CELF2: variants seen among roughly 807,000 people sequenced by gnomAD.
CELF2 encodes the protein CUGBP Elav-like family member 2.
Under a neutral mutation model 62.6 loss-of-function variants are expected in CELF2, and 8 were observed. The ratio of observed to expected loss-of-function variants is 0.13; its 90% CI spans 0.07 to 0.23. The LOEUF (loss-of-function observed/expected upper bound fraction) is 0.23. Among genes scored for constraint, CELF2 ranks in the 10% least tolerant of loss-of-function variants. The pLI, the probability that CELF2 is intolerant of heterozygous loss-of-function variation, is 1.00. For missense variants in CELF2, 333 were observed against 671.0 expected, an observed-to-expected ratio of 0.50 and a Z score of 5.56; for synonymous variants, 258 against 250.0, an observed-to-expected ratio of 1.03 and a Z score of -0.30.
chr10:11,216,909 C>CTT (rs2063507478), intron 2 of CELF2, among the ~76,000 whole-genome samples: 1 of 152,218 alleles, frequency 6.6e-6, no homozygotes, highest in South Asian at 2.1e-4. Flanking sequence ...ATGTACAGAA[C>CTT]TTTACATCAT....
At chr10:10,633,195 A>T in the CELF2 span, among the ~76,000 whole-genome samples, 9 of 152,242 alleles carry the variant, frequency 5.9e-5, no homozygotes, top group Admixed American at 5.9e-4. Context: ...TCTGTAAGAC[A>T]AATTTATAAA....
chr10:10,919,058 G>A (rs2016328), intron 1 of CELF2, among the ~76,000 whole-genome samples: 71,558 of 151,990 alleles, frequency 0.47, 17,727 homozygotes, highest in South Asian at 0.6. Flanking sequence ...ATCACTTGAG[G>A]TCAGGAGGTC....
rs145563755 is a variant in CELF2, at chr10:11,112,812, A to C, written c.75-52674A>C. ...CTATCTTTGAAACGGAACCATGAGT[A>C]AACGCAGTGCATTTCCACATGCGTA... On this transcript the variant is annotated intron_variant, in intron 1 of 12. Coordinates refer to ENST00000633077, the MANE Select transcript of CELF2 (RefSeq NM_001326342.2). Among the ~76,000 whole-genome samples the C allele has an allele frequency of 2.2e-3, 336 of 152,366 alleles. 2 individuals are homozygous for C. Among genetic ancestry groups the C allele is most frequent in the African/African-American group, 7.4e-3 (308 of 41,588 alleles).
At chr10:10,507,548 A>C in the CELF2 span, among the ~76,000 whole-genome samples, 1 of 152,208 alleles carries the variant, frequency 6.6e-6, no homozygotes, top group Admixed American at 6.5e-5. Context: ...AGGATATAGT[A>C]GGGATTAGCA....
the CELF2 span, among the ~76,000 whole-genome samples, chr10:10,637,957 A>G: frequency 6.6e-6 from 1 of 152,224 alleles, no homozygotes; most frequent in Non-Finnish European, 1.5e-5. Flanking sequence ...AAGAAAAATC[A>G]TAAGGTTATT....
At chr10:10,960,031 T>C (rs2049318007) in intron 2 of CELF2, 1 of 152,180 alleles carries the variant, frequency 6.6e-6, no homozygotes, top group Middle Eastern at 3.2e-3. Flanking sequence ...ACTTTCAAAC[T>C]CTCCAGCCAC....
upstream of CELF2, among the ~76,000 whole-genome samples, chr10:11,003,844 TA>T (rs371862382): frequency 2.6e-3 from 387 of 149,954 alleles, 5 homozygotes; most frequent in African/African-American, 7.8e-3. The surrounding 1 kb of genome is among the most constrained non-coding windows in gnomAD (Gnocchi z 4.4). Context: ...CAAGAATATG[TA>T]AAAAAAAAAT....
At chr10:10,554,717 C>T in the CELF2 span, among the ~76,000 whole-genome samples, 1 of 152,122 alleles carries the variant, frequency 6.6e-6, no homozygotes, top group Non-Finnish European at 1.5e-5. Flanking sequence ...GCTCTTCCAT[C>T]GTCTATGTAA....
chr10:10,840,350 T>A (rs1029227140), intron 1 of CELF2, among the ~76,000 whole-genome samples: 9 of 152,230 alleles, frequency 5.9e-5, no homozygotes, highest in Non-Finnish European at 1.2e-4. Context: ...TGTTTGTTGC[T>A]CCGCATCCTC....
the CELF2 span, among the ~76,000 whole-genome samples, chr10:10,764,942 C>G: frequency 6.6e-6 from 1 of 152,164 alleles, no homozygotes; most frequent in African/African-American, 2.4e-5. Context: ...GAGATAAAAG[C>G]TCATGTGCAG....
intron 1 of CELF2, among the ~76,000 whole-genome samples, chr10:10,917,127 T>G (rs932860639): frequency 2.0e-5 from 3 of 152,188 alleles, no homozygotes; most frequent in East Asian, 1.9e-4. Context: ...TTACAGTGAT[T>G]GCCAGTACCA....
chr10:10,654,145 A>G, the CELF2 span, among the ~76,000 whole-genome samples: 2 of 140,998 alleles, frequency 1.4e-5, no homozygotes, highest in South Asian at 2.9e-4. Flanking sequence ...CTTGACACAT[A>G]CACTCTCCCA....
intron 1 of CELF2, among the ~76,000 whole-genome samples, chr10:10,863,120 C>T (rs77664167): frequency 0.078 from 11,933 of 152,244 alleles, 592 homozygotes; most frequent in East Asian, 0.22. Flanking sequence ...AAGCGAAAAC[C>T]GTACAGTGGT....
rs2082599222 is a variant in CELF2 at position 11,267,845 on chromosome 10, TTACTG to T, written c.618+1173_618+1177del. Among the ~76,000 whole-genome samples the T allele has an allele frequency of 6.6e-6, 1 of 152,068 alleles. No individual in the cohort carries two copies. The highest frequency in any genetic ancestry group is 2.4e-5 in the African/African-American group (1 of 41,386). ...TGTGCATGGCATTGTCATTCAGTGT[TTACTG>T]TACTTTTCTGACTTGTGATACCAGC... On this transcript the variant is annotated intron_variant, in intron 6 of 12. Transcript: ENST00000633077. This position sits in a 1 kb window ranked among gnomAD's most constrained non-coding sequence, Gnocchi z 4.4.
At chr10:11,030,290 C>T (rs1434676564) in intron 1 of CELF2, 2 of 152,184 alleles carry the variant, frequency 1.3e-5, no homozygotes, top group Non-Finnish European at 2.9e-5. Flanking sequence ...AAAAAATTTC[C>T]TCAATAATTT....
the CELF2 span, among the ~76,000 whole-genome samples, chr10:10,738,482 A>G: frequency 6.6e-6 from 1 of 152,190 alleles, no homozygotes; most frequent in Non-Finnish European, 1.5e-5. Context: ...ATGCCAGGGC[A>G]TGTACCCTTG....
intron 1 of CELF2, among the ~76,000 whole-genome samples, chr10:11,086,966 T>C (rs949752429): frequency 6.6e-6 from 1 of 152,206 alleles, no homozygotes; most frequent in South Asian, 2.1e-4. Flanking sequence ...TCTGATTTGC[T>C]TGGAGACATT....
intron 2 of CELF2, among the ~76,000 whole-genome samples, chr10:11,188,434 C>T (rs2075536800): frequency 6.6e-6 from 1 of 152,186 alleles, no homozygotes; most frequent in South Asian, 2.1e-4. Flanking sequence ...CTATAGATTT[C>T]TAGGTGGACA....
At chr10:10,601,040 C>T in the CELF2 span, among the ~76,000 whole-genome samples, 1 of 152,202 alleles carries the variant, frequency 6.6e-6, no homozygotes, top group African/African-American at 2.4e-5. Flanking sequence ...AGGCCTTCCA[C>T]AGGCGAGAGC....
Sources: gnomAD v4.1 joint callset for allele counts (sites outside exome capture counted in the v4.1 genomes callset) on GRCh38, gnomAD v4.1.1 for gene constraint, Gnocchi (gnomAD v3.1) non-coding constraint, MANE v1.5 for transcripts, NCBI Gene and HGNC (gene_info 2026-07-23, HGNC 2026-07-21) for gene names.